VPS8: variants seen among roughly 807,000 people sequenced by gnomAD.
VPS8 encodes the protein VPS8 subunit of CORVET complex, also known as vacuolar protein sorting-associated protein 8 homolog.
Under a neutral mutation model 216.4 loss-of-function variants are expected in VPS8, and 129 were observed. The ratio of observed to expected loss-of-function variants is 0.60; its 90% CI spans 0.52 to 0.69. The LOEUF (loss-of-function observed/expected upper bound fraction) is 0.69. VPS8 is among the 30% of genes least tolerant of loss of function. VPS8 has a pLI of 0.00. For synonymous variants in VPS8, 571 were observed against 565.4 expected, an observed-to-expected ratio of 1.01 and a Z score of -0.14; for missense variants, 1,531 against 1,683.5, an observed-to-expected ratio of 0.91 and a Z score of 1.59.
intron 45 of VPS8, among the ~76,000 whole-genome samples, chr3:185,010,128 T>C (rs933864475): frequency 6.6e-6 from 1 of 152,042 alleles, no homozygotes; most frequent in East Asian, 1.9e-4. Context: ...TTGAGAGTAC[T>C]AAGTAAGTTC....
chr3:184,895,689 G>T (rs566857244), intron 23 of VPS8, among the ~76,000 whole-genome samples: 1 of 111,734 alleles, frequency 8.9e-6, no homozygotes, highest in Non-Finnish European at 1.8e-5. Flanking sequence ...CCCCAGGCTG[G>T]AGTACAGTGG....
chr3:184,842,209 A>AAAAAAAAG lies in VPS8; in HGVS notation c.536-1031_536-1030insAAAAAAAG, dbSNP rs1553828675. ...CTCAAAAAAAAAAAAAAAAAAAAAA[A>AAAAAAAAG]GAATATGTGACTGCTTATCATCAAA... On this transcript the variant is annotated intron_variant, in intron 7 of 47. Transcript: ENST00000625842. Among the ~76,000 whole-genome samples the AAAAAAAAG allele has an allele frequency of 2.7e-5, 4 of 149,374 alleles. No individual in the cohort carries two copies. The East Asian group carries it at 7.9e-4, about 30-fold the overall frequency.
chr3:184,834,833 T>C, intron 5 of VPS8, 91 bp downstream of exon 5: 2 of 1,004,036 alleles, frequency 2.0e-6, no homozygotes, highest in Non-Finnish European at 2.9e-6. Flanking sequence ...GCACTTCTCT[T>C]GGCCCGAGGC....
At chr3:184,821,721 T>C (rs1162781939) in intron 1 of VPS8, among the ~76,000 whole-genome samples, 1 of 152,128 alleles carries the variant, frequency 6.6e-6, no homozygotes. Flanking sequence ...GTTCTATCAA[T>C]AGAGGTTCAT....
intron 45 of VPS8, among the ~76,000 whole-genome samples, chr3:185,016,246 GC>G (rs1486042026): frequency 6.6e-6 from 1 of 152,154 alleles, no homozygotes; most frequent in Non-Finnish European, 1.5e-5. Context: ...ATTTACTAAG[GC>G]CCCTAAGTAG....
intron 25 of VPS8, among the ~76,000 whole-genome samples, chr3:184,908,018 G>A (rs1022802091): frequency 3.9e-5 from 6 of 152,204 alleles, no homozygotes; most frequent in African/African-American, 1.4e-4. Flanking sequence ...CAGATCTCCC[G>A]TTCTCCAGTT....
rs140518178 is a variant in VPS8 at position 184,913,714 on chromosome 3, T to A, written c.2189+153T>A. Among the ~76,000 whole-genome samples the A allele has an allele frequency of 5.5e-3, 837 of 152,340 alleles. 3 individuals are homozygous for A. The highest frequency in any genetic ancestry group is 8.6e-3 in the Non-Finnish European group (587 of 68,030). ...TGGTTCTCAACCATGGATAATTTTG[T>A]CTCCTACTCCCTGGAGATGTTTGGC... On this transcript the variant is annotated intron_variant, in intron 26 of 47. Transcript: ENST00000625842.
intron 42 of VPS8, among the ~76,000 whole-genome samples, chr3:184,993,000 G>A (rs1004577516): frequency 1.3e-5 from 2 of 151,960 alleles, no homozygotes; most frequent in Admixed American, 1.3e-4. Flanking sequence ...TTGGGAAAGG[G>A]GAAAAGTGAA....
intron 25 of VPS8, among the ~76,000 whole-genome samples, chr3:184,905,630 T>C (rs1735361740): frequency 6.6e-6 from 1 of 151,330 alleles, no homozygotes; most frequent in Admixed American, 6.6e-5. Context: ...TTTTTTTTTT[T>C]TTTTTTGACA....
In VPS8 at chr3:184,832,827, T is replaced by G; in HGVS notation, c.353+8T>G. The G allele has an allele frequency of 1.2e-6, 2 of 1,603,424 alleles. No individual in the cohort carries two copies. The highest frequency in any genetic ancestry group is 8.5e-7 in the Non-Finnish European group (1 of 1,174,906). The stretch of plus-strand genomic sequence containing the variant: ...CAGGACCAACTTAAAAAGGTAGGTA[T>G]TCATGTCAATCATACTTGCTTACAG... On this transcript the variant is annotated splice_region_variant and intron_variant, in intron 4 of 47. Coordinates refer to ENST00000625842, the MANE Select transcript of VPS8 (RefSeq NM_001009921.3).
chr3:184,882,945 T>C lies in VPS8; in HGVS notation c.1735-3165T>C, dbSNP rs139776919. 9.1e-4 allele frequency among the ~76,000 whole-genome samples: 139 copies of C among 152,310 alleles called. 2 individuals are homozygous for C. The highest frequency in any genetic ancestry group is 2.7e-3 in the African/African-American group (113 of 41,588). ...GATGTTTTCTCTTATTCTTTGTCAG[T>C]CTTGCTAGAAGTTTGTCAGTTCTAA... is the stretch of plus-strand genomic sequence containing the variant. On this transcript the variant is annotated intron_variant, in intron 21 of 47. Coordinates refer to ENST00000625842, the MANE Select transcript of VPS8 (RefSeq NM_001009921.3).
intron 46 of VPS8, among the ~76,000 whole-genome samples, chr3:185,024,917 G>A (rs1200385124): frequency 1.3e-5 from 2 of 151,978 alleles, no homozygotes; most frequent in Non-Finnish European, 2.9e-5. Context: ...CAGGAGAATT[G>A]CTTGAACCCG....
At chr3:184,851,465 ATGTGTG>A (rs10657242) in intron 10 of VPS8, among the ~76,000 whole-genome samples, 366 of 151,036 alleles carry the variant, frequency 2.4e-3, no homozygotes, top group Non-Finnish European at 2.8e-3. Flanking sequence ...ATGGATATTT[ATGTGTG>A]TGTGTGTGTG....
intron 45 of VPS8, among the ~76,000 whole-genome samples, chr3:185,011,293 G>A (rs755873229): frequency 1.3e-5 from 2 of 152,160 alleles, no homozygotes; most frequent in Admixed American, 1.3e-4. Flanking sequence ...CTTGAAAGAA[G>A]GGAAGCAAAC....
chr3:184,948,743 T>G (rs534518492), intron 36 of VPS8, among the ~76,000 whole-genome samples: 2 of 152,310 alleles, frequency 1.3e-5, no homozygotes, highest in South Asian at 4.1e-4. Flanking sequence ...ACCAGGCTAG[T>G]TATTCTAAGG....
intron 42 of VPS8, among the ~76,000 whole-genome samples, chr3:184,993,643 T>G (rs1387500839): frequency 6.6e-6 from 1 of 152,172 alleles, no homozygotes; most frequent in Non-Finnish European, 1.5e-5. Context: ...CTGAGTACAC[T>G]GGTTTTAATG....
chr3:185,045,833 G>A (rs1037390141), intron 46 of VPS8, among the ~76,000 whole-genome samples: 2 of 151,386 alleles, frequency 1.3e-5, no homozygotes, highest in African/African-American at 2.4e-5. Flanking sequence ...TCCTTCCAGC[G>A]GATGTAGTTA....
At chr3:184,938,096 G>A (rs182678420) in intron 35 of VPS8, among the ~76,000 whole-genome samples, 23 of 152,164 alleles carry the variant, frequency 1.5e-4, no homozygotes, top group African/African-American at 5.6e-4. Context: ...GCAAAAGATG[G>A]AGAGGACTAG....
chr3:184,826,096 T>C lies in VPS8; in HGVS notation c.154-67T>C, dbSNP rs1718706649. ...TTAATTGATGGTGGTTTTAATCAAC[T>C]AAAACCCCTCACAATTATAAGCAGA... On this transcript the variant is annotated intron_variant, in intron 2 of 47. Coordinates refer to ENST00000625842, the MANE Select transcript of VPS8 (RefSeq NM_001009921.3). 24 of 1,196,768 alleles carry C rather than the reference T, an allele frequency of 2.0e-5. No individual in the cohort carries two copies. The South Asian group carries it at 2.6e-4, about 13-fold the overall frequency. 74.1% of individuals were successfully genotyped at this position (1,196,768 alleles called of 1,614,324 possible).
Sources: gnomAD v4.1 joint callset for allele counts (sites outside exome capture counted in the v4.1 genomes callset) on GRCh38, gnomAD v4.1.1 for gene constraint, MANE v1.5 for transcripts, NCBI Gene and HGNC (gene_info 2026-07-23, HGNC 2026-07-21) for gene names.